MYBL1: variants seen among roughly 807,000 people sequenced by gnomAD.
MYBL1 encodes the protein MYB proto-oncogene like 1, also known as myb-related protein A.
A neutral mutation model predicts 96.3 loss-of-function variants in MYBL1; 17 were observed. That is an observed-to-expected ratio of 0.18 (90% CI 0.12 to 0.26). The LOEUF (loss-of-function observed/expected upper bound fraction) is 0.26, where lower values mean the gene tolerates loss of function less well. MYBL1 is among the 10% of genes least tolerant of loss of function. MYBL1 has a pLI of 1.00. For synonymous variants in MYBL1, 282 were observed against 292.7 expected, an observed-to-expected ratio of 0.96 and a Z score of 0.37; for missense variants, 701 against 882.9, an observed-to-expected ratio of 0.79 and a Z score of 2.61.
intron 9 of MYBL1, among the ~76,000 whole-genome samples, chr8:66,579,146 G>A (rs1279816482): frequency 6.6e-6 from 1 of 151,394 alleles, no homozygotes; most frequent in Admixed American, 6.6e-5. Flanking sequence ...CGAGTTAATG[G>A]GTGCAGCACA....
chr8:66,570,291 C>A (rs2129725051), intron 12 of MYBL1, among the ~76,000 whole-genome samples: 1 of 150,016 alleles, frequency 6.7e-6, no homozygotes, highest in South Asian at 2.1e-4. Flanking sequence ...AAACCTATTA[C>A]AAATATACTT....
rs766676175 is a variant in MYBL1, at chr8:66,597,478, C to T, written c.364G>A (p.Gly122Ser). ...TGCCATCTTTCTCTACACTGCTTGC[C>T]TATTCTTCCTTTTAAATGTTTTGCA... ...LIAKHLKGRI[G>S]KQCRERWHNH... The change falls in exon 5 of 16, where the codon GGC (glycine) becomes AGC (serine). Residue 122 changes from glycine to serine, a missense_variant. Gly to Ser is a moderately conservative substitution (Grantham distance 56, BLOSUM62 0). Transcript: ENST00000522677. The T allele has an allele frequency of 1.2e-6, 2 of 1,613,238 alleles. No individual in the cohort carries two copies. Among genetic ancestry groups the T allele is most frequent in the South Asian group, 1.1e-5 (1 of 91,028 alleles).
At chr8:66,601,451 A>T (rs1239414710) in intron 3 of MYBL1, among the ~76,000 whole-genome samples, 1 of 152,084 alleles carries the variant, frequency 6.6e-6, no homozygotes, top group East Asian at 1.9e-4. Context: ...ACATACATTT[A>T]TTATCATTTT....
rs772083359 is a variant in MYBL1, at chr8:66,566,906, A to G, written c.1815T>C (p.Asp605=). The G allele has an allele frequency of 2.5e-6, 4 of 1,612,548 alleles. No individual in the cohort carries two copies. Among genetic ancestry groups the G allele is most frequent in the African/African-American group, 1.3e-5 (1 of 74,892 alleles). The stretch of plus-strand genomic sequence containing the variant: ...GTTTGCAGCTTTTGTAAGCAGGTTC[A>G]TCTTCCTCTTTGAGGAATAGGTCTG... ...TGTDLFLKEE[D]EPAYKSCKQE... The change falls in exon 13 of 16, where the codon GAT becomes GAC. Residue 605 remains aspartate, a synonymous_variant. Coordinates refer to ENST00000522677, the MANE Select transcript of MYBL1 (RefSeq NM_001080416.4).
At chr8:66,571,731 A>G (rs1808736604) in intron 12 of MYBL1, among the ~76,000 whole-genome samples, 2 of 151,960 alleles carry the variant, frequency 1.3e-5, no homozygotes, top group Admixed American at 1.3e-4. Flanking sequence ...AAATACAAAA[A>G]TTAGCTGGGC....
In MYBL1 at chr8:66,573,357, T is replaced by C. The variant is rs780234218; in HGVS notation, c.1613+7A>G. On this transcript the variant is annotated splice_region_variant and intron_variant, in intron 11 of 15. Transcript: ENST00000522677. ...TTCTCTAACACAATTATTTAATACCTACTTACCCTACATTTTCCTTTTGAT... is the reference window on the plus strand; with the variant it reads ...TTCTCTAACACAATTATTTAATACCCACTTACCCTACATTTTCCTTTTGAT... 3.0e-5 allele frequency: 48 copies of C among 1,604,444 alleles called. No homozygotes were observed. Among genetic ancestry groups the C allele is most frequent in the Non-Finnish European group, 4.0e-5 (47 of 1,176,804 alleles).
At chr8:66,567,237 C>T (rs1283718649) in intron 12 of MYBL1, among the ~76,000 whole-genome samples, 3 of 152,114 alleles carry the variant, frequency 2.0e-5, no homozygotes, top group African/African-American at 7.2e-5. Context: ...TTTGGGGAAA[C>T]CACTGTAGCT....
At chr8:66,581,080 T>A (rs1038926585) in intron 8 of MYBL1, among the ~76,000 whole-genome samples, 17 of 152,286 alleles carry the variant, frequency 1.1e-4, no homozygotes, top group African/African-American at 4.1e-4. Context: ...CAGGCTGGTC[T>A]CAAACTCCTG....
At chr8:66,575,340 G>A (rs1464995518) in intron 10 of MYBL1, among the ~76,000 whole-genome samples, 3 of 152,086 alleles carry the variant, frequency 2.0e-5, no homozygotes, top group East Asian at 1.9e-4. Flanking sequence ...TATATCTATC[G>A]AACAGTAGTC....
chr8:66,602,733 ATTTTTTTTTT>A (rs143426704), intron 1 of MYBL1, among the ~76,000 whole-genome samples: 1 of 28,172 alleles, frequency 3.5e-5, no homozygotes, highest in African/African-American at 1.8e-4. Context: ...ATATATATAT[ATTTTTTTTTT>A]TTTTTTTTTT....
intron 2 of MYBL1, among the ~76,000 whole-genome samples, chr8:66,602,012 A>G (rs1810092005): frequency 1.3e-5 from 2 of 152,042 alleles, no homozygotes; most frequent in South Asian, 2.1e-4. Context: ...ATCTTTTCTC[A>G]TATTTTGTTT....
chr8:66,602,359 A>G, intron 2 of MYBL1, 59 bp downstream of exon 2: 3 of 1,210,782 alleles, frequency 2.5e-6, no homozygotes, highest in South Asian at 1.4e-5. Context: ...CCGTATAACT[A>G]TAGCAGTATT....
chr8:66,583,920 A>C (rs998892137), intron 8 of MYBL1, among the ~76,000 whole-genome samples: 10 of 152,218 alleles, frequency 6.6e-5, no homozygotes, highest in Non-Finnish European at 1.5e-4. Flanking sequence ...CAATTCTCTC[A>C]GAAAACTGAA....
chr8:66,569,729 A>T (rs1376135890), intron 12 of MYBL1, among the ~76,000 whole-genome samples: 1 of 152,228 alleles, frequency 6.6e-6, no homozygotes, highest in Non-Finnish European at 1.5e-5. Flanking sequence ...ATGTCCTAGA[A>T]TAGGGCTAAG....
At chr8:66,587,917 A>G (rs1303391706) in intron 8 of MYBL1, among the ~76,000 whole-genome samples, 1 of 152,240 alleles carries the variant, frequency 6.6e-6, no homozygotes, top group Non-Finnish European at 1.5e-5. Context: ...TACTAAAAGT[A>G]AAAATTTTCA....
At chr8:66,593,525 T>C (rs1158634400) in intron 6 of MYBL1, among the ~76,000 whole-genome samples, 1 of 152,216 alleles carries the variant, frequency 6.6e-6, no homozygotes, top group Non-Finnish European at 1.5e-5. Flanking sequence ...AGGGTTGCTC[T>C]ATCTCCTAAA....
At chr8:66,604,321 G>A (rs946512224) in intron 1 of MYBL1, among the ~76,000 whole-genome samples, 17 of 152,056 alleles carry the variant, frequency 1.1e-4, no homozygotes, top group African/African-American at 4.1e-4. Context: ...TCAGGAGTTC[G>A]AGACCAGCCT....
intron 3 of MYBL1, 140 bp from the exon 4 acceptor site, chr8:66,599,282 T>A (rs1429608131): frequency 9.7e-6 from 5 of 514,650 alleles, no homozygotes; most frequent in Non-Finnish European, 1.7e-5. Context: ...GTAACATTTA[T>A]GTTACATATC....
chr8:66,568,657 C>T (rs1808609033), intron 12 of MYBL1, among the ~76,000 whole-genome samples: 1 of 151,864 alleles, frequency 6.6e-6, no homozygotes, highest in Non-Finnish European at 1.5e-5. Context: ...ATTCTTTTTT[C>T]AAATTAACTT....
Sources: allele counts gnomAD v4.1 joint callset (sites outside exome capture counted in the v4.1 genomes callset), GRCh38; gene constraint gnomAD v4.1.1; transcripts MANE v1.5; gene names NCBI Gene and HGNC (gene_info 2026-07-23, HGNC 2026-07-21).